The following MBD5 variants were observed in gnomAD, a reference collection of about 807,000 sequenced individuals.
The protein encoded by MBD5 is methyl-CpG binding domain protein 5, also known as methyl-CpG-binding domain protein 5.
Under a neutral mutation model 117.3 loss-of-function variants are expected in MBD5, and 13 were observed. The observed-to-expected ratio is 0.11, with a 90% CI of 0.07 to 0.18. The LOEUF is 0.18. Ranked by LOEUF, MBD5 falls within the 10% of genes least tolerant of loss-of-function variation. The pLI is 1.00. For synonymous variants in MBD5, 727 were observed against 766.4 expected (o/e 0.95, Z 0.85); for missense variants, 1,879 against 2,093.8 (o/e 0.90, Z 2.00).
chr2:148,022,031 G>C (rs1033037475), intron 1 of MBD5, among the ~76,000 whole-genome samples: 4 of 152,142 alleles, frequency 2.6e-5, no homozygotes, highest in Admixed American at 6.5e-5. Flanking sequence ...ACACTTTCTA[G>C]ATGTCACTTA....
chr2:148,195,922 A>G (rs184656516), intron 2 of MBD5, among the ~76,000 whole-genome samples: 14 of 152,320 alleles, frequency 9.2e-5, no homozygotes, highest in Admixed American at 5.9e-4. Flanking sequence ...TTAAAAATAA[A>G]AGCAAATTAA....
chr2:148,466,634 C>T (rs567762241), intron 7 of MBD5, among the ~76,000 whole-genome samples: 1 of 152,172 alleles, frequency 6.6e-6, no homozygotes, highest in African/African-American at 2.4e-5. Context: ...TCATTTTGTT[C>T]CTTTAATTAC....
chr2:148,398,640 C>G (rs573910888), intron 4 of MBD5, among the ~76,000 whole-genome samples: 2,115 of 152,052 alleles, frequency 0.014, 59 homozygotes, highest in African/African-American at 0.045. Flanking sequence ...TTGCTGTGCA[C>G]AAGCTCTTTA....
chr2:148,187,918 T>C (rs988884017), intron 2 of MBD5, among the ~76,000 whole-genome samples: 4 of 152,204 alleles, frequency 2.6e-5, no homozygotes, highest in African/African-American at 9.6e-5. Flanking sequence ...GATAACTGAC[T>C]GCTTAAGTAA....
chr2:148,215,152 C>T (rs1699520932), intron 2 of MBD5, among the ~76,000 whole-genome samples: 1 of 152,152 alleles, frequency 6.6e-6, no homozygotes, highest in Non-Finnish European at 1.5e-5. Flanking sequence ...GGTACTTGTA[C>T]CAGGTTCATT....
chr2:148,348,068 T>G (rs1373033795), intron 4 of MBD5, among the ~76,000 whole-genome samples: 2 of 152,012 alleles, frequency 1.3e-5, no homozygotes, highest in Non-Finnish European at 2.9e-5. Context: ...TAATGCTGTG[T>G]TTAAAGAAAT....
At chr2:148,024,033 G>A (rs1693835624) in intron 1 of MBD5, among the ~76,000 whole-genome samples, 2 of 152,172 alleles carry the variant, frequency 1.3e-5, no homozygotes, top group Admixed American at 6.5e-5. Flanking sequence ...TGACAGAGCA[G>A]GGACCAGGGA....
Position 148,485,915 on chromosome 2 carries a change from A to T in MBD5, c.3718A>T (p.Asn1240Tyr). ...GQSTIPCPAN[N>Y]NPMACLFQNF... Reference sequence around the variant, plus strand: ...GTCCACAATTCCTTGCCCAGCTAACAATAACCCCATGGCTTGTCTGTTTCA... The same window carrying T: ...GTCCACAATTCCTTGCCCAGCTAACTATAACCCCATGGCTTGTCTGTTTCA... The change falls in exon 10 of 14, where the codon AAT (asparagine) becomes TAT (tyrosine). Residue 1240 changes from asparagine to tyrosine, a missense_variant. By Grantham distance (143) the Asn-to-Tyr change is moderately radical. Around this residue, in one of 4 missense-constraint regions of MBD5, gnomAD observed 1,666 missense variants for 1,792.2 expected, o/e 0.93. Coordinates refer to ENST00000642680, the MANE Select transcript of MBD5 (RefSeq NM_001378120.1). The T allele has an allele frequency of 6.2e-7, 1 of 1,614,080 alleles. No homozygotes were observed. Among genetic ancestry groups the T allele is most frequent in the Non-Finnish European group, 8.5e-7 (1 of 1,179,972 alleles).
chr2:148,409,853 A>G (rs967430264), intron 4 of MBD5, among the ~76,000 whole-genome samples: 1 of 152,196 alleles, frequency 6.6e-6, no homozygotes, highest in Non-Finnish European at 1.5e-5. Context: ...GACAGTATGT[A>G]TGGGGAGTCT....
intron 1 of MBD5, among the ~76,000 whole-genome samples, chr2:148,076,155 A>T (rs1695503037): frequency 6.7e-6 from 1 of 149,612 alleles, no homozygotes; most frequent in South Asian, 2.1e-4. Flanking sequence ...ATAGGAACTA[A>T]TTTGAAAACT....
At chr2:148,386,588 G>A (rs1450249475) in intron 4 of MBD5, among the ~76,000 whole-genome samples, 1 of 150,136 alleles carries the variant, frequency 6.7e-6, no homozygotes, top group African/African-American at 2.4e-5. Flanking sequence ...GCGTAGTGGC[G>A]GGCGCCTGTA....
chr2:148,037,451 T>C (rs1558897133), intron 1 of MBD5, among the ~76,000 whole-genome samples: 1 of 151,954 alleles, frequency 6.6e-6, no homozygotes, highest in Non-Finnish European at 1.5e-5. Context: ...AAATGTCTGC[T>C]AAAAAATATC....
intron 1 of MBD5, among the ~76,000 whole-genome samples, chr2:148,043,274 A>G (rs1463719307): frequency 6.6e-6 from 1 of 151,104 alleles, no homozygotes; most frequent in African/African-American, 2.4e-5. Context: ...AAATACAAAA[A>G]AAAAATAAAA....
chr2:148,446,600 A>ATGTGTGTGTG (rs1215172950), intron 4 of MBD5, among the ~76,000 whole-genome samples: 10 of 9,944 alleles, frequency 1.0e-3, no homozygotes, highest in South Asian at 0.019. Context: ...CAGATTATTT[A>ATGTGTGTGTG]TCTGTGTGTG....
chr2:148,029,427 GC>G (rs1433976696), intron 1 of MBD5, among the ~76,000 whole-genome samples: 1 of 151,918 alleles, frequency 6.6e-6, no homozygotes, highest in Non-Finnish European at 1.5e-5. Context: ...GCAATATGTT[GC>G]CCACTAGAAA....
chr2:148,207,699 A>C (rs965076494), intron 2 of MBD5, among the ~76,000 whole-genome samples: 1 of 152,094 alleles, frequency 6.6e-6, no homozygotes, highest in Non-Finnish European at 1.5e-5. Flanking sequence ...TAGGAAAAAA[A>C]AAAAAAAAGA....
At chr2:148,293,907 A>T (rs1701564148) in intron 3 of MBD5, among the ~76,000 whole-genome samples, 1 of 152,194 alleles carries the variant, frequency 6.6e-6, no homozygotes, top group Non-Finnish European at 1.5e-5. Flanking sequence ...TATGTGATAG[A>T]CCCACAGTAC....
chr2:148,490,031 G>A lies in MBD5; in HGVS notation c.4399G>A (p.Val1467Ile). The A allele has an allele frequency of 6.2e-7, 1 of 1,613,892 alleles. No individual in the cohort carries two copies. The highest frequency in any genetic ancestry group is 1.1e-5 in the South Asian group (1 of 91,038). Residue 1467 changes from valine (V) to isoleucine (I), a missense_variant, in exon 11 of 14, where the codon GTC becomes ATC. This residue lies in a region of MBD5 where 1,666 missense variants were observed against 1,792.2 expected (regional missense o/e 0.93). Coordinates refer to ENST00000642680, the MANE Select transcript of MBD5 (RefSeq NM_001378120.1). ...TCCTTGTCATGAAAGGCCCAACAATGTCTCTACACTGCCATTTCTGCCTGG... is the reference window on the plus strand; with the variant it reads ...TCCTTGTCATGAAAGGCCCAACAATATCTCTACACTGCCATTTCTGCCTGG... ...SSPCHERPNN[V>I]STLPFLPGEQ...
chr2:148,449,845 C>G (rs1449834054), intron 4 of MBD5, among the ~76,000 whole-genome samples: 1 of 151,870 alleles, frequency 6.6e-6, no homozygotes, highest in Non-Finnish European at 1.5e-5. Flanking sequence ...AGATATAACA[C>G]TTAATTTTTT....
Sources: allele counts gnomAD v4.1 joint callset (sites outside exome capture counted in the v4.1 genomes callset), GRCh38; gene constraint gnomAD v4.1.1; regional missense constraint gnomAD v4.1.1; transcripts MANE v1.5; gene names NCBI Gene and HGNC (gene_info 2026-07-23, HGNC 2026-07-21).